CSMD1: variants seen among roughly 807,000 people sequenced by gnomAD.
CSMD1 encodes CUB and Sushi multiple domains 1, also known as CUB and sushi domain-containing protein 1.
In CSMD1, 213 loss-of-function variants were observed where a neutral mutation model predicts 417.5. That is an observed-to-expected ratio of 0.51 (90% CI 0.46 to 0.57). CSMD1 has a LOEUF of 0.57. CSMD1 is among the 20% of genes least tolerant of loss of function. The pLI is 0.00. For missense variants in CSMD1, 6,923 were observed against 4,529.7 expected (o/e 1.53, Z -15.17); for synonymous variants, 2,862 against 1,736.8 (o/e 1.65, Z -16.11).
intron 6 of CSMD1, among the ~76,000 whole-genome samples, chr8:3,730,487 T>G (rs1802781429): frequency 6.6e-6 from 1 of 151,814 alleles, no homozygotes; most frequent in African/African-American, 2.4e-5. Context: ...CCATTATCCC[T>G]TAATTGACTG....
At chr8:3,609,184 A>G (rs1324412341) in intron 8 of CSMD1, among the ~76,000 whole-genome samples, 1 of 152,218 alleles carries the variant, frequency 6.6e-6, no homozygotes, top group South Asian at 2.1e-4. Flanking sequence ...ACTTATAAAC[A>G]TGAGGATAAT....
At chr8:3,380,987 G>T (rs1394576261) in intron 18 of CSMD1, among the ~76,000 whole-genome samples, 5 of 152,040 alleles carry the variant, frequency 3.3e-5, no homozygotes, top group African/African-American at 1.2e-4. Context: ...GAATGCACAG[G>T]TATGTGAGAA....
intron 5 of CSMD1, among the ~76,000 whole-genome samples, chr8:3,952,875 C>T (rs1324320077): frequency 6.6e-6 from 1 of 152,134 alleles, no homozygotes; most frequent in Non-Finnish European, 1.5e-5. Flanking sequence ...AAAAACAAAT[C>T]ATCTCTAACC....
chr8:4,131,814 C>A (rs1271484463), intron 3 of CSMD1, among the ~76,000 whole-genome samples: 3 of 121,092 alleles, frequency 2.5e-5, no homozygotes, highest in Non-Finnish European at 4.8e-5. Flanking sequence ...CCAGGCTGGA[C>A]TGCAGTGGTG....
intron 7 of CSMD1, among the ~76,000 whole-genome samples, chr8:3,683,304 C>G (rs554656224): frequency 1.3e-5 from 2 of 152,158 alleles, no homozygotes; most frequent in South Asian, 2.1e-4. Context: ...ATGGATGGAT[C>G]AGTCAAGGCA....
intron 49 of CSMD1, among the ~76,000 whole-genome samples, chr8:3,077,095 C>T (rs762127992): frequency 6.6e-6 from 1 of 152,116 alleles, no homozygotes; most frequent in African/African-American, 2.4e-5. Context: ...TCATTAGGTG[C>T]CTGCACGTCT....
chr8:3,817,011 G>A (rs1585040753), intron 5 of CSMD1, among the ~76,000 whole-genome samples: 2 of 152,006 alleles, frequency 1.3e-5, no homozygotes, highest in South Asian at 4.1e-4. Flanking sequence ...TCATTGTGTT[G>A]TAAAGAAAAA....
chr8:4,099,253 CT>C (rs1390683544), intron 3 of CSMD1, among the ~76,000 whole-genome samples: 2 of 151,708 alleles, frequency 1.3e-5, no homozygotes, highest in Non-Finnish European at 2.9e-5. Context: ...CTTCAAGTGT[CT>C]TTCTTTGTTC....
At chr8:4,761,125 A>G in intron 1 of CSMD1, among the ~76,000 whole-genome samples, 1 of 152,232 alleles carries the variant, frequency 6.6e-6, no homozygotes, top group East Asian at 1.9e-4. Context: ...AATATGCAAA[A>G]GAGTCTTCTA....
chr8:4,947,204 T>C (rs530929107), intron 1 of CSMD1, among the ~76,000 whole-genome samples: 1 of 152,308 alleles, frequency 6.6e-6, no homozygotes, highest in East Asian at 1.9e-4. Context: ...TTCACTGCTG[T>C]TATCTACTTT....
chr8:3,729,687 T>A (rs2623740), intron 6 of CSMD1, among the ~76,000 whole-genome samples: 30,631 of 147,332 alleles, frequency 0.21, 3,537 homozygotes, highest in East Asian at 0.34. Flanking sequence ...AAGATGAAAC[T>A]CGCCTCTTCT....
At chr8:3,588,652 T>G (rs971930027) in intron 8 of CSMD1, among the ~76,000 whole-genome samples, 1 of 152,090 alleles carries the variant, frequency 6.6e-6, no homozygotes, top group African/African-American at 2.4e-5. Context: ...AGTAGCAAAT[T>G]GTATTCTGTT....
chr8:4,903,724 G>A (rs569636001), intron 1 of CSMD1, among the ~76,000 whole-genome samples: 1 of 152,300 alleles, frequency 6.6e-6, no homozygotes, highest in South Asian at 2.1e-4. Context: ...GAGCAACACA[G>A]ATGAAGCAGT....
At chr8:4,535,083 C>T (rs1305200816) in intron 2 of CSMD1, among the ~76,000 whole-genome samples, 5 of 152,128 alleles carry the variant, frequency 3.3e-5, no homozygotes, top group African/African-American at 1.2e-4. Context: ...TATGTGTTTT[C>T]TCTCTTATAG....
At chr8:4,143,733 G>A (rs1803939454) in intron 3 of CSMD1, among the ~76,000 whole-genome samples, 1 of 151,106 alleles carries the variant, frequency 6.6e-6, no homozygotes, top group South Asian at 2.1e-4. Context: ...TAGGAAGGAA[G>A]CTGTGAAAGG....
intron 23 of CSMD1, among the ~76,000 whole-genome samples, chr8:3,329,242 C>T (rs1486971923): frequency 1.3e-5 from 2 of 152,018 alleles, no homozygotes; most frequent in Non-Finnish European, 2.9e-5. Flanking sequence ...GGAAAGTGGT[C>T]ATTGACAGCA....
At chr8:3,460,219 C>A (rs182348278) in intron 12 of CSMD1, among the ~76,000 whole-genome samples, 2 of 152,176 alleles carry the variant, frequency 1.3e-5, no homozygotes, top group East Asian at 1.9e-4. Flanking sequence ...ACGGGAAGAT[C>A]AGCAAATGAT....
chr8:4,595,439 G>T (rs955623244), intron 2 of CSMD1, among the ~76,000 whole-genome samples: 1 of 137,468 alleles, frequency 7.3e-6, no homozygotes, highest in Non-Finnish European at 1.6e-5. Flanking sequence ...AACAACAATG[G>T]AAAGGCCTGG....
chr8:3,090,316 C>CAAAAAA lies in CSMD1; in HGVS notation c.7285+1194_7285+1199dup, dbSNP rs35534326. On this transcript the variant is annotated intron_variant, in intron 48 of 69. Transcript: ENST00000635120. ...TGGGCAACAGAGCCAGACTGTATTTCAAAAAAAAAAAAAAAAAAAAAAAAA... is the reference window on the plus strand; with the variant it reads ...TGGGCAACAGAGCCAGACTGTATTTCAAAAAAAAAAAAAAAAAAAAAAAAAAAAAAA... Among the ~76,000 whole-genome samples the CAAAAAA allele has an allele frequency of 5.5e-3, 436 of 79,664 alleles. 4 individuals carry two copies. Among genetic ancestry groups the CAAAAAA allele is most frequent in the Middle Eastern group, 0.012 (1 of 86 alleles). The allele number at this position is 79,664 out of a possible 152,430, so 52.3% of individuals were successfully genotyped here.
Sources: gnomAD v4.1 joint callset for allele counts (sites outside exome capture counted in the v4.1 genomes callset) on GRCh38, gnomAD v4.1.1 for gene constraint, MANE v1.5 for transcripts, NCBI Gene and HGNC (gene_info 2026-07-23, HGNC 2026-07-21) for gene names.